The following WWOX variants were observed in gnomAD, a reference collection of about 807,000 sequenced individuals.
The protein encoded by WWOX is WW domain containing oxidoreductase, also known as WW domain-containing oxidoreductase.
WWOX carries 69 observed loss-of-function variants against 46.2 expected under a neutral mutation model. The ratio of observed to expected loss-of-function variants is 1.49; its 90% CI spans 1.23 to 1.82. The LOEUF (loss-of-function observed/expected upper bound fraction) is 1.82. Among genes scored for constraint, WWOX ranks in the 40% most tolerant of loss-of-function variants. WWOX has a pLI of 0.00. For missense variants in WWOX, 919 were observed against 542.6 expected, an observed-to-expected ratio of 1.69 and a Z score of -6.89; for synonymous variants, 359 against 202.6, an observed-to-expected ratio of 1.77 and a Z score of -6.56.
chr16:78,701,767 C>T (rs553046762), intron 8 of WWOX, among the ~76,000 whole-genome samples: 3 of 151,986 alleles, frequency 2.0e-5, no homozygotes, highest in African/African-American at 7.2e-5. Flanking sequence ...GCAGTGGGCC[C>T]TTGCTCTGAG....
At chr16:78,647,721 G>T (rs778954662) in intron 8 of WWOX, among the ~76,000 whole-genome samples, 1 of 152,168 alleles carries the variant, frequency 6.6e-6, no homozygotes, top group South Asian at 2.1e-4. Context: ...GAAGCTCCTG[G>T]CTGGTAAGTG....
intron 8 of WWOX, among the ~76,000 whole-genome samples, chr16:78,849,036 A>G (rs1317381126): frequency 1.3e-5 from 2 of 152,224 alleles, no homozygotes; most frequent in African/African-American, 4.8e-5. Flanking sequence ...GGTGGCCACC[A>G]GACTGCCATG....
At chr16:78,326,296 G>C (rs1360296677) in intron 5 of WWOX, among the ~76,000 whole-genome samples, 2 of 152,172 alleles carry the variant, frequency 1.3e-5, no homozygotes, top group African/African-American at 2.4e-5. Context: ...CATATGCTCA[G>C]TTGCAGAAAC....
At chr16:78,647,397 G>C (rs1279810864) in intron 8 of WWOX, among the ~76,000 whole-genome samples, 2 of 152,112 alleles carry the variant, frequency 1.3e-5, no homozygotes, top group Non-Finnish European at 2.9e-5. Flanking sequence ...CATTGCTTCT[G>C]TGGGTCTCCA....
chr16:78,372,217 A>T (rs1273167216), intron 5 of WWOX, among the ~76,000 whole-genome samples: 1 of 152,180 alleles, frequency 6.6e-6, no homozygotes, highest in East Asian at 1.9e-4. Flanking sequence ...CACACAGAGA[A>T]CATATTCACT....
intron 8 of WWOX, among the ~76,000 whole-genome samples, chr16:78,733,248 AAT>A (rs2049007355): frequency 6.6e-6 from 1 of 152,216 alleles, no homozygotes. Context: ...CCTGAAAATA[AAT>A]ATACTGCCAG....
chr16:78,747,015 G>A (rs530744037), intron 8 of WWOX, among the ~76,000 whole-genome samples: 1 of 152,000 alleles, frequency 6.6e-6, no homozygotes, highest in Non-Finnish European at 1.5e-5. Context: ...ACTCCTGCCT[G>A]CCTCTCAGTT....
At chr16:78,288,267 C>CCTTTT (rs2079802930) in intron 5 of WWOX, among the ~76,000 whole-genome samples, 1 of 124,704 alleles carries the variant, frequency 8.0e-6, no homozygotes, top group African/African-American at 2.9e-5. Flanking sequence ...TATGAGTTTA[C>CCTTTT]TTTTTTTTTT....
intron 8 of WWOX, among the ~76,000 whole-genome samples, chr16:79,053,619 C>G (rs1397735333): frequency 6.6e-6 from 1 of 152,150 alleles, no homozygotes; most frequent in Non-Finnish European, 1.5e-5. Flanking sequence ...ATATTCCGAT[C>G]ACTTTAATTT....
chr16:78,127,489 C>A (rs1597238432), intron 4 of WWOX, among the ~76,000 whole-genome samples: 1 of 142,656 alleles, frequency 7.0e-6, no homozygotes, highest in Non-Finnish European at 1.5e-5. Context: ...AGGTCAGTAG[C>A]TTTCATCCAG....
chr16:78,640,886 C>T (rs2046690917), intron 8 of WWOX, among the ~76,000 whole-genome samples: 1 of 150,568 alleles, frequency 6.6e-6, no homozygotes, highest in Non-Finnish European at 1.5e-5. Context: ...TTGCAGTGAG[C>T]CGAGATCATG....
intron 8 of WWOX, among the ~76,000 whole-genome samples, chr16:78,716,771 T>C (rs540895048): frequency 1.3e-5 from 2 of 152,228 alleles, no homozygotes; most frequent in South Asian, 4.2e-4. Context: ...GGATCTTCCT[T>C]ATAGTCCTGG....
intron 5 of WWOX, among the ~76,000 whole-genome samples, chr16:78,375,293 G>C (rs142734151): frequency 6.6e-6 from 1 of 152,188 alleles, no homozygotes; most frequent in African/African-American, 2.4e-5. Context: ...CCGAGAGGCC[G>C]GCATTCAGCC....
At chr16:78,456,367 A>T (rs1004072248) in intron 8 of WWOX, among the ~76,000 whole-genome samples, 1 of 150,790 alleles carries the variant, frequency 6.6e-6, no homozygotes, top group Admixed American at 6.6e-5. Context: ...ACAAGTAGCA[A>T]TGGAAACAAA....
At chr16:78,840,500 T>C (rs2052109614) in intron 8 of WWOX, among the ~76,000 whole-genome samples, 1 of 152,226 alleles carries the variant, frequency 6.6e-6, no homozygotes, top group Non-Finnish European at 1.5e-5. Context: ...AGGCTAATTA[T>C]GTAGTGTCTA....
intron 5 of WWOX, among the ~76,000 whole-genome samples, chr16:78,325,841 C>T (rs966693481): frequency 7.9e-5 from 12 of 152,190 alleles, no homozygotes; most frequent in African/African-American, 2.4e-4. Context: ...TGAACACACT[C>T]ATTGGGAGCT....
intron 8 of WWOX, among the ~76,000 whole-genome samples, chr16:78,540,029 C>CAA (rs1739876160): frequency 1.3e-5 from 2 of 150,776 alleles, no homozygotes; most frequent in East Asian, 1.9e-4. Context: ...CTCACACACA[C>CAA]ACACACACAC....
intron 8 of WWOX, among the ~76,000 whole-genome samples, chr16:79,192,856 C>G (rs2051164318): frequency 6.6e-6 from 1 of 152,190 alleles, no homozygotes; most frequent in East Asian, 1.9e-4. Context: ...CACTTAGCCT[C>G]TCTGAGCTCT....
chr16:78,543,265 G>A (rs960982965), intron 8 of WWOX, among the ~76,000 whole-genome samples: 4 of 152,182 alleles, frequency 2.6e-5, no homozygotes, highest in Non-Finnish European at 4.4e-5. Context: ...GTCACGAGTC[G>A]TTTCCTCTTG....
Sources: gnomAD v4.1 joint callset for allele counts (sites outside exome capture counted in the v4.1 genomes callset) on GRCh38, gnomAD v4.1.1 for gene constraint, MANE v1.5 for transcripts, NCBI Gene and HGNC (gene_info 2026-07-23, HGNC 2026-07-21) for gene names.